The following PRKCH variants were observed in gnomAD, a reference collection of about 807,000 sequenced individuals.
PRKCH encodes the protein protein kinase C eta type.
Under a neutral mutation model 82.5 loss-of-function variants are expected in PRKCH, and 28 were observed. The observed-to-expected ratio is 0.34, with a 90% CI of 0.25 to 0.47. The LOEUF is 0.47. Among genes scored for constraint, PRKCH ranks in the 20% least tolerant of loss-of-function variants. The pLI is 1.00. For synonymous variants in PRKCH, 322 were observed against 327.4 expected (o/e 0.98, Z 0.18); for missense variants, 705 against 881.8 (o/e 0.80, Z 2.54).
chr14:61,351,212 C>G (rs1297223539), intron 1 of PRKCH, among the ~76,000 whole-genome samples: 1 of 152,200 alleles, frequency 6.6e-6, no homozygotes, highest in South Asian at 2.1e-4. Context: ...TGTGCTGATG[C>G]AGAACCACAT....
At chr14:61,490,219 C>A (rs1011477595) in intron 10 of PRKCH, among the ~76,000 whole-genome samples, 3 of 152,162 alleles carry the variant, frequency 2.0e-5, no homozygotes, top group Admixed American at 6.5e-5. Context: ...AAGCTTTTGC[C>A]CCACAGAGGC....
In PRKCH at chr14:61,549,950, G is replaced by A; in HGVS notation, c.*119G>A. The A allele has an allele frequency of 8.9e-7, 1 of 1,121,826 alleles. No homozygotes were observed. The highest frequency in any genetic ancestry group is 1.3e-6 in the Non-Finnish European group (1 of 793,936). 69.5% of individuals were successfully genotyped at this position (1,121,826 alleles called of 1,614,324 possible). A position where few individuals can be genotyped will look rare whatever the true frequency, so the allele number is the denominator to read the frequency against. The stretch of plus-strand genomic sequence containing the variant: ...AGAACAAGAACCTTACCTTCAAGGA[G>A]CAAGTGAAGAACTCTGTGAAGGATG... On this transcript the variant is annotated 3_prime_UTR_variant, in exon 14 of 14. Transcript: ENST00000332981.
chr14:61,535,486 T>C (rs1400076524), intron 12 of PRKCH, among the ~76,000 whole-genome samples: 1 of 152,084 alleles, frequency 6.6e-6, no homozygotes, highest in Non-Finnish European at 1.5e-5. Context: ...GGCTTGAAAG[T>C]GTGCAGAGGT....
At chr14:61,426,284 A>C (rs778040431) in intron 2 of PRKCH, among the ~76,000 whole-genome samples, 1 of 152,198 alleles carries the variant, frequency 6.6e-6, no homozygotes, top group Non-Finnish European at 1.5e-5. Flanking sequence ...GCCTACACAC[A>C]CTGCCAAGCT....
intron 1 of PRKCH, among the ~76,000 whole-genome samples, chr14:61,205,565 A>G (rs2044516498): frequency 6.6e-6 from 1 of 152,032 alleles, no homozygotes; most frequent in African/African-American, 2.4e-5. Context: ...ATCTGAGTTG[A>G]CCTGTGTGAG....
intron 1 of PRKCH, among the ~76,000 whole-genome samples, chr14:61,310,337 G>C (rs1035984282): frequency 1.3e-5 from 2 of 152,154 alleles, no homozygotes; most frequent in Non-Finnish European, 2.9e-5. Context: ...AGATACAATG[G>C]GGGTACAGGC....
chr14:61,316,967 GCT>G (rs1233591437), upstream of PRKCH, among the ~76,000 whole-genome samples: 8 of 152,312 alleles, frequency 5.3e-5, no homozygotes, highest in African/African-American at 1.7e-4. Flanking sequence ...GACAAAAAGT[GCT>G]TGAGCCAGAT....
intron 2 of PRKCH, among the ~76,000 whole-genome samples, chr14:61,428,072 T>TACAC (rs1555386071): frequency 1.6e-4 from 12 of 77,366 alleles, no homozygotes; most frequent in African/African-American, 4.6e-4. Context: ...GATAGATAGA[T>TACAC]AGATACACAC....
At chr14:61,210,026 C>T (rs1286874171) in intron 1 of PRKCH, among the ~76,000 whole-genome samples, 1 of 149,858 alleles carries the variant, frequency 6.7e-6, no homozygotes, top group Non-Finnish European at 1.5e-5. Context: ...ATCACGAGGT[C>T]AGGAGTTCAA....
intron 1 of PRKCH, among the ~76,000 whole-genome samples, chr14:61,267,928 A>G (rs2140084132): frequency 6.6e-6 from 1 of 152,260 alleles, no homozygotes; most frequent in Middle Eastern, 3.4e-3. Flanking sequence ...GTGCTTTTAT[A>G]TTTGTTTAGA....
chr14:61,467,667 T>C (rs538311839), intron 9 of PRKCH, among the ~76,000 whole-genome samples: 6 of 152,364 alleles, frequency 3.9e-5, no homozygotes, highest in African/African-American at 1.4e-4. Flanking sequence ...AAGAAGCCTC[T>C]GTTCATGCCT....
chr14:61,203,177 C>G (rs2044495822), intron 1 of PRKCH, among the ~76,000 whole-genome samples: 1 of 152,114 alleles, frequency 6.6e-6, no homozygotes, highest in African/African-American at 2.4e-5. Context: ...GAGTGGTCTT[C>G]AAGCACCTCA....
chr14:61,502,083 C>CT (rs1325705222), intron 10 of PRKCH, among the ~76,000 whole-genome samples: 9 of 13,360 alleles, frequency 6.7e-4, no homozygotes, highest in Non-Finnish European at 1.2e-3. Flanking sequence ...TTTTTTTTTT[C>CT]CGAGATGGAG....
intron 2 of PRKCH, among the ~76,000 whole-genome samples, chr14:61,433,770 A>G (rs2140264075): frequency 6.6e-6 from 1 of 152,374 alleles, no homozygotes; most frequent in Non-Finnish European, 1.5e-5. Flanking sequence ...GTTTTGGGTG[A>G]AAGTAGTTGG....
intron 1 of PRKCH, chr14:61,278,975 T>TCTCACACACA (rs368741788): frequency 2.1e-5 from 3 of 140,240 alleles, no homozygotes; most frequent in Admixed American, 7.1e-5. Flanking sequence ...CCCTTTCTAA[T>TCTCACACACA]CACACACACA....
intron 10 of PRKCH, among the ~76,000 whole-genome samples, chr14:61,488,033 G>T (rs1368436446): frequency 3.3e-5 from 5 of 151,972 alleles, no homozygotes; most frequent in Non-Finnish European, 5.9e-5. Flanking sequence ...GGTGCCTGTA[G>T]TCCCAGCTAC....
chr14:61,539,896 C>T (rs2043160344), intron 12 of PRKCH, among the ~76,000 whole-genome samples: 1 of 152,248 alleles, frequency 6.6e-6, no homozygotes, highest in Admixed American at 6.5e-5. Flanking sequence ...GCACTCTCAT[C>T]ACTTAATGGT....
rs112740584 is a variant in PRKCH, at chr14:61,428,112, C to CATATATATATAT, written c.428-14990_428-14979dup. ...ACACACACACATATATATATACACA[C>CATATATATATAT]ATATATATATATATATATATGTATC... On this transcript the variant is annotated intron_variant, in intron 2 of 13. Coordinates refer to ENST00000332981, the MANE Select transcript of PRKCH (RefSeq NM_006255.5). Among the ~76,000 whole-genome samples, 1,374 of 145,478 alleles carry CATATATATATAT rather than the reference C, an allele frequency of 9.4e-3. 25 individuals carry two copies. Among genetic ancestry groups the CATATATATATAT allele is most frequent in the African/African-American group, 0.033 (1,234 of 37,462 alleles).
At chr14:61,418,663 T>G (rs1882683144) in intron 2 of PRKCH, among the ~76,000 whole-genome samples, 1 of 152,184 alleles carries the variant, frequency 6.6e-6, no homozygotes. Flanking sequence ...CATCAAAAAG[T>G]GCCAGTTGGA....
Sources: gnomAD v4.1 joint callset for allele counts (sites outside exome capture counted in the v4.1 genomes callset) on GRCh38, gnomAD v4.1.1 for gene constraint, MANE v1.5 for transcripts, NCBI Gene and HGNC (gene_info 2026-07-23, HGNC 2026-07-21) for gene names.